AMZ1: variants seen among roughly 807,000 people sequenced by gnomAD.
AMZ1 encodes archaemetzincin-1.
AMZ1 carries 39 observed loss-of-function variants against 29.9 expected under a neutral mutation model. The ratio of observed to expected loss-of-function variants is 1.30; its 90% CI spans 1.01 to 1.70. The LOEUF is 1.70. AMZ1 is among the 40% of genes most tolerant of loss of function. The pLI, the probability that AMZ1 is intolerant of heterozygous loss-of-function variation, is 0.00. For synonymous variants in AMZ1, 458 were observed against 304.0 expected, an observed-to-expected ratio of 1.51 and a Z score of -5.27; for missense variants, 1,041 against 680.6, an observed-to-expected ratio of 1.53 and a Z score of -5.89.
chr7:2,696,079 C>T lies in AMZ1; in HGVS notation c.-218-4155C>T, dbSNP rs1019722626. Among the ~76,000 whole-genome samples the T allele has an allele frequency of 1.1e-4, 17 of 151,648 alleles. 2 individuals are homozygous for T. The highest frequency in any genetic ancestry group is 9.2e-4 in the Admixed American group (14 of 15,188). Reference sequence around the variant, plus strand: ...AAAACAAAATCTGTGTGTTCCAACCCCCCTCGCCCCGCCCCCCACAACCTC... The same window carrying T: ...AAAACAAAATCTGTGTGTTCCAACCTCCCTCGCCCCGCCCCCCACAACCTC... On this transcript the variant is annotated intron_variant, in intron 1 of 6. Coordinates refer to ENST00000683327, the MANE Select transcript of AMZ1 (RefSeq NM_001384743.1).
intron 1 of AMZ1, among the ~76,000 whole-genome samples, chr7:2,681,734 G>T (rs1786891158): frequency 6.6e-6 from 1 of 152,176 alleles, no homozygotes; most frequent in Non-Finnish European, 1.5e-5. Context: ...GAAACTACAT[G>T]TGGGGTTACT....
chr7:2,696,542 C>T (rs1047564819), intron 1 of AMZ1, among the ~76,000 whole-genome samples: 42 of 150,036 alleles, frequency 2.8e-4, no homozygotes, highest in Non-Finnish European at 2.5e-4. Flanking sequence ...CAGGCGTGAG[C>T]CACCGCACCT....
At chr7:2,682,692 C>G (rs1418338488) in intron 1 of AMZ1, among the ~76,000 whole-genome samples, 1 of 152,194 alleles carries the variant, frequency 6.6e-6, no homozygotes, top group African/African-American at 2.4e-5. Context: ...GGGCCATACA[C>G]GGCTCCCCTG....
intron 6 of AMZ1, among the ~76,000 whole-genome samples, chr7:2,710,118 G>A (rs566340625): frequency 6.8e-4 from 104 of 152,344 alleles, no homozygotes; most frequent in Middle Eastern, 3.4e-3. Context: ...GAGCCCAGCC[G>A]GCGGGTGGCA....
At chr7:2,725,556 CAGG>C in intron 4 of AMZ1, among the ~76,000 whole-genome samples, 1 of 152,222 alleles carries the variant, frequency 6.6e-6, no homozygotes, top group Admixed American at 6.5e-5. Context: ...AGCCATAGGG[CAGG>C]TCTCAGTGAC....
At chr7:2,764,094 A>G (rs1378219061), upstream of AMZ1, among the ~76,000 whole-genome samples, 2 of 152,094 alleles carry the variant, frequency 1.3e-5, no homozygotes, top group African/African-American at 4.8e-5. Context: ...GTTTTGAGAC[A>G]GGGTCTCACT....
intron 1 of AMZ1, among the ~76,000 whole-genome samples, chr7:2,694,124 C>T (rs779792888): frequency 2.6e-5 from 4 of 152,114 alleles, no homozygotes; most frequent in Non-Finnish European, 5.9e-5. Flanking sequence ...TGAGGGTGCT[C>T]GAGATGACAT....
At chr7:2,751,052 G>A (rs1230934139) in intron 4 of AMZ1, among the ~76,000 whole-genome samples, 12 of 152,166 alleles carry the variant, frequency 7.9e-5, no homozygotes, top group Admixed American at 5.2e-4. Flanking sequence ...ATCTTGAGAT[G>A]TTGCCACTAC....
rs1048616425 is a variant in AMZ1 at position 2,752,340 on chromosome 7, C to G, written n.551-12372C>G. Among the ~76,000 whole-genome samples the G allele has an allele frequency of 3.3e-5, 5 of 152,322 alleles. No homozygotes were observed. The East Asian group carries it at 9.6e-4, about 29-fold the overall frequency. On this transcript the variant is annotated intron_variant and non_coding_transcript_variant, in intron 4 of 4. Transcript: ENST00000489665. ...AAACCATGCAACTAACATCCTAAGT[C>G]ATGGTGGACCACTGAGTACTTTCAC... is the stretch of plus-strand genomic sequence containing the variant.
chr7:2,722,105 C>T (rs528311744), downstream of AMZ1, among the ~76,000 whole-genome samples: 63 of 152,222 alleles, frequency 4.1e-4, no homozygotes, highest in East Asian at 3.3e-3. Context: ...CTGGTCCCTT[C>T]GGCAGTGTGT....
At chr7:2,706,650 C>G (rs370865067) in intron 3 of AMZ1, among the ~76,000 whole-genome samples, 1 of 152,230 alleles carries the variant, frequency 6.6e-6, no homozygotes, top group Non-Finnish European at 1.5e-5. Context: ...GTGAGCTTTA[C>G]GCCATGTGCC....
chr7:2,756,338 G>T (rs897482400), intron 4 of AMZ1, among the ~76,000 whole-genome samples: 7 of 152,146 alleles, frequency 4.6e-5, no homozygotes, highest in Admixed American at 3.3e-4. Context: ...ATTCAAACTG[G>T]ATCACTAAAA....
At chr7:2,704,210 C>G (rs1788219539) in intron 3 of AMZ1, among the ~76,000 whole-genome samples, 1 of 152,090 alleles carries the variant, frequency 6.6e-6, no homozygotes, top group Non-Finnish European at 1.5e-5. Context: ...ACTCTTAAAC[C>G]CATATATTGA....
At chr7:2,737,264 GTTTTGTTTTGTTTTTTTTTTTTTTGTT>G (rs1169075909) in intron 4 of AMZ1, among the ~76,000 whole-genome samples, 5 of 52,450 alleles carry the variant, frequency 9.5e-5, no homozygotes, top group Non-Finnish European at 2.0e-4. Context: ...CTATCTCACA[GTTTTGTTTTGTTTTTTTTTTTTTTGTT>G]TTTTTTTTTT....
downstream of AMZ1, among the ~76,000 whole-genome samples, chr7:2,720,511 C>G (rs954449758): frequency 6.6e-6 from 1 of 151,826 alleles, no homozygotes; most frequent in Non-Finnish European, 1.5e-5. Context: ...TCAAACGATT[C>G]TCCTGTCTCA....
chr7:2,720,182 C>A (rs930388945), downstream of AMZ1, among the ~76,000 whole-genome samples: 28 of 152,238 alleles, frequency 1.8e-4, no homozygotes, highest in African/African-American at 6.3e-4. Flanking sequence ...TGAGACTCGG[C>A]TCCTCTGCTG....
At chr7:2,687,539 T>G (rs1308935969), upstream of AMZ1, among the ~76,000 whole-genome samples, 2 of 152,228 alleles carry the variant, frequency 1.3e-5, no homozygotes, top group African/African-American at 2.4e-5. Context: ...GGAGCCGTCA[T>G]GCCGGCCTTC....
At chr7:2,757,664 G>A (rs1201010157) in intron 4 of AMZ1, among the ~76,000 whole-genome samples, 2 of 152,194 alleles carry the variant, frequency 1.3e-5, no homozygotes, top group Non-Finnish European at 1.5e-5. Flanking sequence ...GCCGTTTTAA[G>A]TTGCTAATTG....
At chr7:2,705,959 C>A (rs991996053) in intron 3 of AMZ1, among the ~76,000 whole-genome samples, 19 of 152,240 alleles carry the variant, frequency 1.2e-4, no homozygotes, top group African/African-American at 4.6e-4. Context: ...TGGTGCCAGG[C>A]CTGTGGCAGC....
Sources: gnomAD v4.1 joint callset for allele counts (sites outside exome capture counted in the v4.1 genomes callset) on GRCh38, gnomAD v4.1.1 for gene constraint, MANE v1.5 for transcripts, NCBI Gene and HGNC (gene_info 2026-07-23, HGNC 2026-07-21) for gene names.